The following RGPD8 variants were observed in gnomAD, a reference collection of about 807,000 sequenced individuals.
RGPD8 encodes RANBP2-like and GRIP domain-containing protein 8.
A neutral mutation model predicts 89.1 loss-of-function variants in RGPD8; 15 were observed. The observed-to-expected ratio is 0.17, with a 90% CI of 0.11 to 0.26. The LOEUF is 0.26. Among genes scored for constraint, RGPD8 ranks in the 10% least tolerant of loss-of-function variants. The pLI is 1.00. For synonymous variants in RGPD8, 62 were observed against 420.9 expected (o/e 0.15, Z 10.44); for missense variants, 178 against 1,179.6 (o/e 0.15, Z 12.44).
intron 22 of RGPD8, 150 bp from the exon 23 acceptor site, chr2:112,370,362 C>CTTTTTTTTTTTTT (rs1215225125): frequency 1.0e-5 from 1 of 99,382 alleles, no homozygotes; most frequent in African/African-American, 8.9e-5. Flanking sequence ...GGGGGGGGTT[C>CTTTTTTTTTTTTT]TTTTTTTTTT....
At chr2:112,382,276 A>C (rs1169375916) in intron 20 of RGPD8, among the ~76,000 whole-genome samples, 1 of 151,818 alleles carries the variant, frequency 6.6e-6, no homozygotes, top group South Asian at 2.1e-4. Flanking sequence ...CATCCATCCA[A>C]CCATCCAATT....
intron 1 of RGPD8, among the ~76,000 whole-genome samples, chr2:112,429,432 A>AG (rs1679925935): frequency 1.3e-5 from 2 of 150,308 alleles, no homozygotes; most frequent in Admixed American, 6.6e-5. Flanking sequence ...AAAAAAAAAA[A>AG]AAAAAGAAAA....
chr2:112,395,656 TATA>T (rs1678803762), intron 17 of RGPD8, among the ~76,000 whole-genome samples: 1 of 132,294 alleles, frequency 7.6e-6, no homozygotes, highest in African/African-American at 2.8e-5. Flanking sequence ...TTATTATGTA[TATA>T]ATAATACGTC....
intron 22 of RGPD8, among the ~76,000 whole-genome samples, chr2:112,374,998 G>A (rs1394882590): frequency 7.5e-6 from 1 of 132,636 alleles, no homozygotes; most frequent in Non-Finnish European, 1.6e-5. Context: ...AAGTTGCTGG[G>A]ATTACAGGCA....
rs199917308 is a variant in RGPD8 at position 112,379,605 on chromosome 2, C to A, written c.5061+1219G>T. Among the ~76,000 whole-genome samples, 78 of 87,100 alleles carry A rather than the reference C, an allele frequency of 9.0e-4. 2 individuals carry two copies. The highest frequency in any genetic ancestry group is 0.012 in the Middle Eastern group (2 of 166). The allele number at this position is 87,100 out of a possible 152,430, so 57.1% of individuals were successfully genotyped here. A position where few individuals can be genotyped will look rare whatever the true frequency, so the allele number is the denominator to read the frequency against. On this transcript the variant is annotated intron_variant, in intron 21 of 22. Transcript: ENST00000302558. ...GCGAGACTATCTCAAAAAAAAAAAA[C>A]AAGAAAATATAACATTTAAATAAGT...
intron 6 of RGPD8, among the ~76,000 whole-genome samples, chr2:112,415,805 C>T (rs1374956129): frequency 2.7e-5 from 4 of 146,124 alleles, no homozygotes; most frequent in Non-Finnish European, 3.0e-5. Context: ...ATCACTTGAA[C>T]CCAGGAGGCA....
At chr2:112,387,446 C>T (rs1678500377) in intron 20 of RGPD8, among the ~76,000 whole-genome samples, 1 of 142,510 alleles carries the variant, frequency 7.0e-6, no homozygotes, top group African/African-American at 2.6e-5. Flanking sequence ...CTGCTACCTC[C>T]ATCTCCTGTG....
chr2:112,380,616 G>A (rs1290702107), intron 21 of RGPD8, among the ~76,000 whole-genome samples: 19 of 134,568 alleles, frequency 1.4e-4, no homozygotes, highest in Non-Finnish European at 2.4e-4. Flanking sequence ...TCGTGCCACT[G>A]CACTCCAGCC....
intron 1 of RGPD8, among the ~76,000 whole-genome samples, chr2:112,430,338 A>C (rs1247351647): frequency 6.6e-6 from 1 of 152,050 alleles, no homozygotes; most frequent in Non-Finnish European, 1.5e-5. Context: ...CTGTTTTGTC[A>C]TTTCACTCAA....
chr2:112,425,753 T>C, intron 1 of RGPD8, among the ~76,000 whole-genome samples: 1 of 110,756 alleles, frequency 9.0e-6, no homozygotes, highest in Non-Finnish European at 1.8e-5. Flanking sequence ...AATGATTCCA[T>C]CTCAAAAAAA....
chr2:112,432,373 G>C (rs1399780523), intron 1 of RGPD8, among the ~76,000 whole-genome samples: 1 of 151,906 alleles, frequency 6.6e-6, no homozygotes, highest in Non-Finnish European at 1.5e-5. Flanking sequence ...AAAGTGTTCC[G>C]GGCGGGGAGG....
intron 17 of RGPD8, among the ~76,000 whole-genome samples, chr2:112,395,949 T>TA (rs201035545): frequency 0.1 from 13,618 of 135,914 alleles, no homozygotes; most frequent in Middle Eastern, 0.16. Context: ...AATGTCCCCT[T>TA]ACAAAACAGA....
chr2:112,390,341 G>A (rs1393128590), intron 19 of RGPD8, 94 bp from the exon 20 acceptor site: 22 of 836,622 alleles, frequency 2.6e-5, no homozygotes, highest in Non-Finnish European at 2.9e-5. Flanking sequence ...TTTATCAAAT[G>A]ATGTTAACAA....
intron 22 of RGPD8, among the ~76,000 whole-genome samples, chr2:112,371,134 C>T (rs561966670): frequency 1.8e-4 from 27 of 149,362 alleles, no homozygotes; most frequent in Admixed American, 6.1e-4. Context: ...AACCTTAAAA[C>T]TGAACCACAA....
intron 20 of RGPD8, among the ~76,000 whole-genome samples, 187 bp downstream of exon 20, chr2:112,387,829 CTTTAACTA>C (rs1678516598): frequency 6.9e-6 from 1 of 145,914 alleles, no homozygotes; most frequent in South Asian, 2.2e-4. Flanking sequence ...ACTGAAATGT[CTTTAACTA>C]AGTTCTCTTG....
chr2:112,411,002 T>G (rs1251030902), intron 7 of RGPD8, among the ~76,000 whole-genome samples: 33 of 151,906 alleles, frequency 2.2e-4, no homozygotes, highest in African/African-American at 7.8e-4. Context: ...GGACAATCGC[T>G]TGAACCCGGG....
chr2:112,423,706 T>TA (rs3979360), intron 2 of RGPD8, among the ~76,000 whole-genome samples: 645 of 107,944 alleles, frequency 6.0e-3, no homozygotes, highest in Middle Eastern at 0.022. Flanking sequence ...AGATACTGCC[T>TA]AAAAAAAAAA....
intron 18 of RGPD8, among the ~76,000 whole-genome samples, chr2:112,391,363 TAAGA>T (rs1345006931): frequency 1.4e-5 from 2 of 147,036 alleles, no homozygotes; most frequent in Admixed American, 6.8e-5. Flanking sequence ...TTGCCTTTTC[TAAGA>T]AAGATCAGTA....
intron 7 of RGPD8, among the ~76,000 whole-genome samples, chr2:112,410,999 C>T (rs1459763955): frequency 2.0e-5 from 3 of 151,880 alleles, no homozygotes; most frequent in South Asian, 2.1e-4. Flanking sequence ...GCAGGACAAT[C>T]GCTTGAACCC....
Sources: gnomAD v4.1 joint callset for allele counts (sites outside exome capture counted in the v4.1 genomes callset) on GRCh38, gnomAD v4.1.1 for gene constraint, MANE v1.5 for transcripts, NCBI Gene and HGNC (gene_info 2026-07-23, HGNC 2026-07-21) for gene names.